The following TLK1 variants were observed in gnomAD, a reference collection of about 807,000 sequenced individuals.
The protein encoded by TLK1 is serine/threonine-protein kinase tousled-like 1.
Under a neutral mutation model 105.3 loss-of-function variants are expected in TLK1, and 24 were observed. The ratio of observed to expected loss-of-function variants is 0.23; its 90% CI spans 0.17 to 0.32. TLK1 has a LOEUF of 0.32. TLK1 is among the 10% of genes least tolerant of loss of function. The pLI is 1.00. For synonymous variants in TLK1, 321 were observed against 310.4 expected, an observed-to-expected ratio of 1.03 and a Z score of -0.36; for missense variants, 558 against 910.5, an observed-to-expected ratio of 0.61 and a Z score of 4.98.
rs975586145 is a variant in TLK1 at position 171,197,755 on chromosome 2, G to C, written c.-6+33390C>G. Among the ~76,000 whole-genome samples, 6 of 147,678 alleles carry C rather than the reference G, an allele frequency of 4.1e-5. No individual in the cohort carries two copies. In the Admixed American group the frequency reaches 4.1e-4, roughly 10 times the overall value. On this transcript the variant is annotated intron_variant, in intron 1 of 20. Transcript: ENST00000521943. ...GATCATACCACTGCACTCCAGCTGG[G>C]GTGACAGAGTGAGACTCTGTCTCAA...
chr2:171,098,663 AC>A (rs1291802005), intron 2 of TLK1, among the ~76,000 whole-genome samples: 4 of 152,192 alleles, frequency 2.6e-5, no homozygotes, highest in African/African-American at 9.6e-5. Context: ...CCAGATAAAA[AC>A]ATCACAAGAA....
intron 1 of TLK1, among the ~76,000 whole-genome samples, chr2:171,175,122 A>G (rs987266754): frequency 6.6e-6 from 1 of 152,166 alleles, no homozygotes; most frequent in East Asian, 1.9e-4. Flanking sequence ...AGTCCCATCT[A>G]CTTGGGAGGC....
At chr2:171,124,788 C>T in intron 1 of TLK1, among the ~76,000 whole-genome samples, 1 of 152,200 alleles carries the variant, frequency 6.6e-6, no homozygotes, top group East Asian at 1.9e-4. Flanking sequence ...TTAGTGTTTT[C>T]TCAGCTTTGA....
chr2:170,994,748 G>C (rs747005565), intron 20 of TLK1: 3 of 511,192 alleles, frequency 5.9e-6, no homozygotes, highest in Non-Finnish European at 1.2e-5. Context: ...TAAAACCATA[G>C]TTGAGTTTTG....
At chr2:171,100,735 T>C (rs531613215) in intron 2 of TLK1, among the ~76,000 whole-genome samples, 32 of 152,326 alleles carry the variant, frequency 2.1e-4, no homozygotes, top group Middle Eastern at 6.8e-3. Flanking sequence ...GAATATAAAA[T>C]GGTGTGGCTA....
At chr2:171,188,387 T>C (rs1693076612) in intron 1 of TLK1, among the ~76,000 whole-genome samples, 2 of 151,930 alleles carry the variant, frequency 1.3e-5, no homozygotes, top group Admixed American at 1.3e-4. Context: ...CTGGCCAACA[T>C]GGTGAAACCC....
chr2:171,036,602 T>C (rs981130186), intron 11 of TLK1, among the ~76,000 whole-genome samples: 9 of 152,240 alleles, frequency 5.9e-5, no homozygotes, highest in African/African-American at 2.2e-4. Flanking sequence ...CACTGCTTTT[T>C]GTTTTGAACA....
intron 2 of TLK1, among the ~76,000 whole-genome samples, chr2:171,098,579 C>A (rs1689553105): frequency 6.6e-6 from 1 of 152,122 alleles, no homozygotes; most frequent in Admixed American, 6.5e-5. Context: ...ACTAATTCTT[C>A]ACAAACTCTT....
rs556057104 is a variant in TLK1 at position 170,991,720 on chromosome 2, G to A, written c.*2060C>T. ...AAAGTTAGATTTACACATTCACTTCGTATCTCCCCAAAATTTTAAGCACAA... is the reference window on the plus strand; with the variant it reads ...AAAGTTAGATTTACACATTCACTTCATATCTCCCCAAAATTTTAAGCACAA... On this transcript the variant is annotated 3_prime_UTR_variant, in exon 21 of 21. Transcript: ENST00000431350. 3 of 152,170 alleles carry A rather than the reference G, an allele frequency of 2.0e-5. No homozygotes were observed. Among genetic ancestry groups the A allele is most frequent in the South Asian group, 2.1e-4 (1 of 4,822 alleles). 9.4% of individuals were successfully genotyped at this position (152,170 alleles called of 1,614,324 possible).
intron 1 of TLK1, among the ~76,000 whole-genome samples, chr2:171,132,433 C>T (rs1054005732): frequency 6.6e-6 from 1 of 152,036 alleles, no homozygotes; most frequent in Admixed American, 6.6e-5. Context: ...TCCAGAAACT[C>T]ATAAAGTTAC....
chr2:171,050,247 C>A, intron 8 of TLK1, 73 bp from the exon 9 acceptor site: 3 of 1,026,918 alleles, frequency 2.9e-6, no homozygotes, highest in Non-Finnish European at 4.2e-6. Flanking sequence ...TTTTAATGTT[C>A]TAAATAAATT....
chr2:171,200,904 CAG>C (rs1693385971), intron 1 of TLK1, among the ~76,000 whole-genome samples: 2 of 136,120 alleles, frequency 1.5e-5, no homozygotes, highest in Non-Finnish European at 3.1e-5. Context: ...TTTTTTGAGA[CAG>C]AGTCTCTCTC....
chr2:171,116,232 T>A (rs537474274), intron 2 of TLK1, among the ~76,000 whole-genome samples: 3 of 152,188 alleles, frequency 2.0e-5, no homozygotes. Context: ...AAGAGACATA[T>A]GACAAAGTGG....
intron 3 of TLK1, among the ~76,000 whole-genome samples, chr2:171,065,684 C>G (rs963485966): frequency 1.3e-5 from 2 of 152,094 alleles, no homozygotes; most frequent in African/African-American, 4.8e-5. Flanking sequence ...ACTACAGGCG[C>G]CCGCCACTAT....
intron 12 of TLK1, among the ~76,000 whole-genome samples, chr2:171,027,598 A>C (rs1215282490): frequency 6.6e-6 from 1 of 152,226 alleles, no homozygotes; most frequent in Non-Finnish European, 1.5e-5. Context: ...CACATGCAAC[A>C]AATTAAAAGA....
chr2:171,135,757 G>A (rs1008088146), intron 1 of TLK1, among the ~76,000 whole-genome samples: 1 of 151,878 alleles, frequency 6.6e-6, no homozygotes, highest in South Asian at 2.1e-4. Flanking sequence ...AGCTGAGGTC[G>A]CACCACTGCA....
chr2:170,993,933 T>C lies in TLK1; in HGVS notation c.2148A>G (p.Ala716=), dbSNP rs763606243. Residue 716 remains alanine (A), a synonymous_variant, in exon 21 of 21, where the codon GCA becomes GCG. Transcript: ENST00000431350. ...EAKAFIRRCL[A]YRKEDRFDVH... is the part of the protein sequence containing the mutation. ...CATCAAATCGATCTTCTTTTCGATA[T>C]GCCAAACAGCGTCTTATAAATGCCT... The C allele has an allele frequency of 6.2e-6, 10 of 1,609,170 alleles. No homozygotes were observed. Among genetic ancestry groups the C allele is most frequent in the Admixed American group, 3.4e-5 (2 of 59,340 alleles).
intron 1 of TLK1, among the ~76,000 whole-genome samples, chr2:171,192,834 C>A (rs73017292): frequency 0.11 from 16,490 of 152,194 alleles, 1,341 homozygotes; most frequent in African/African-American, 0.23. Context: ...ATCTTGATGA[C>A]TGTTCTAGTC....
rs1686954455 is a variant in TLK1 at position 171,046,179 on chromosome 2, T to C, written c.1164A>G (p.Pro388=). 2 of 1,567,564 alleles carry C rather than the reference T, an allele frequency of 1.3e-6. No individual in the cohort carries two copies. Among genetic ancestry groups the C allele is most frequent in the South Asian group, 1.2e-5 (1 of 82,068 alleles). Residue 388 remains proline (P), a synonymous_variant, in exon 11 of 21, where the codon CCA becomes CCG. Coordinates refer to ENST00000431350, the MANE Select transcript of TLK1 (RefSeq NM_012290.5). ...AATTTTAAATGGAGGCTTACAGTTG[T>C]GGTAAATTTGGTCTAACAAAGGGAT... ...ENDPFVRPNL[P]QLLTLAEYHE... is the part of the protein sequence containing the mutation.
Sources: gnomAD v4.1 joint callset for allele counts (sites outside exome capture counted in the v4.1 genomes callset) on GRCh38, gnomAD v4.1.1 for gene constraint, MANE v1.5 for transcripts, NCBI Gene and HGNC (gene_info 2026-07-23, HGNC 2026-07-21) for gene names.